Variants in RORA observed in about 807,000 individuals in gnomAD.
The protein encoded by RORA is RAR related orphan receptor A, also known as nuclear receptor ROR-alpha.
In RORA, 7 loss-of-function variants were observed where a neutral mutation model predicts 69.5. The observed-to-expected ratio is 0.10, with a 90% CI of 0.06 to 0.19. The LOEUF (loss-of-function observed/expected upper bound fraction) is 0.19. Ranked by LOEUF, RORA falls within the 10% of genes least tolerant of loss-of-function variation. The pLI is 1.00. For missense variants in RORA, 457 were observed against 663.0 expected, an observed-to-expected ratio of 0.69 and a Z score of 3.41; for synonymous variants, 261 against 240.8, an observed-to-expected ratio of 1.08 and a Z score of -0.78.
intron 1 of RORA, among the ~76,000 whole-genome samples, chr15:60,866,935 G>T (rs781740609): frequency 2.3e-4 from 35 of 152,096 alleles, no homozygotes; most frequent in Non-Finnish European, 3.1e-4. Context: ...GTGCGATCTT[G>T]GCTCACTGTA....
intron 2 of RORA, among the ~76,000 whole-genome samples, chr15:60,566,886 G>A (rs2067727388): frequency 1.3e-5 from 2 of 152,124 alleles, no homozygotes; most frequent in Admixed American, 1.3e-4. Context: ...TGGAAAGTGG[G>A]TAGCCAGGTT....
chr15:60,504,012 A>C (rs2065414087), intron 6 of RORA, among the ~76,000 whole-genome samples: 1 of 152,012 alleles, frequency 6.6e-6, no homozygotes, highest in South Asian at 2.1e-4. Context: ...CATGTTGGCC[A>C]GGCTGGTCTT....
chr15:61,146,621 C>T (rs1006525751), intron 1 of RORA, among the ~76,000 whole-genome samples: 1 of 152,138 alleles, frequency 6.6e-6, no homozygotes, highest in East Asian at 1.9e-4. Context: ...ATTTAATAAA[C>T]ATGTTAATGA....
At chr15:60,883,184 A>G (rs62006804) in intron 1 of RORA, among the ~76,000 whole-genome samples, 2,914 of 135,186 alleles carry the variant, frequency 0.022, 65 homozygotes, top group East Asian at 0.11. Context: ...GAGAGAGAGA[A>G]AGAAAGAAAA....
intron 1 of RORA, among the ~76,000 whole-genome samples, chr15:60,823,791 G>A (rs2072924043): frequency 8.1e-6 from 1 of 124,170 alleles, no homozygotes; most frequent in African/African-American, 2.9e-5. Flanking sequence ...AACAGCAGGT[G>A]CTGATAAGAA....
chr15:60,665,794 C>A (rs1277233692), intron 2 of RORA, among the ~76,000 whole-genome samples: 1 of 152,114 alleles, frequency 6.6e-6, no homozygotes, highest in Non-Finnish European at 1.5e-5. Flanking sequence ...CGTGCCTCAG[C>A]CTCCCTAGTA....
chr15:60,898,474 G>A (rs534729893), intron 1 of RORA, among the ~76,000 whole-genome samples: 14 of 150,942 alleles, frequency 9.3e-5, no homozygotes, highest in Non-Finnish European at 1.5e-4. Context: ...GAATAGCCTA[G>A]GCAACACAGT....
intron 1 of RORA, among the ~76,000 whole-genome samples, chr15:61,168,217 C>CGTGT (rs1392851409): frequency 8.8e-5 from 13 of 147,090 alleles, no homozygotes; most frequent in Admixed American, 4.0e-4. Context: ...TGCGTGCGTG[C>CGTGT]GTGTGTGTGT....
chr15:60,570,039 T>A (rs2067833666), intron 2 of RORA, among the ~76,000 whole-genome samples: 1 of 151,876 alleles, frequency 6.6e-6, no homozygotes, highest in South Asian at 2.1e-4. Flanking sequence ...AGTAAGACAA[T>A]GTGAGCGTGA....
intron 2 of RORA, among the ~76,000 whole-genome samples, chr15:60,585,283 TTATC>T (rs1422163484): frequency 2.0e-5 from 3 of 152,224 alleles, no homozygotes; most frequent in Admixed American, 6.5e-5. Flanking sequence ...TCCACTTGTA[TTATC>T]TATTTATCCT....
intron 1 of RORA, among the ~76,000 whole-genome samples, chr15:60,890,627 T>C (rs1435850261): frequency 6.6e-6 from 1 of 152,232 alleles, no homozygotes. Context: ...AGGGCTGTTC[T>C]TTTTGAGCCA....
In RORA at chr15:61,229,151, GCCGCGT is replaced by G; in HGVS notation, c.62_67del (p.Asp21_Ala22del). On this transcript the variant is annotated inframe_deletion, in exon 1 of 11. Coordinates refer to ENST00000335670, the MANE Select transcript of RORA (RefSeq NM_134261.3). ...CAGCGGGGTCTCCCTGGAGCCGGCG[GCCGCGT>G]CCGCGCCGCTGCTGCCTGGCTCGCT... 6.5e-7 allele frequency: 1 copy of G among 1,545,510 alleles called. No homozygotes were observed. Among genetic ancestry groups the G allele is most frequent in the Non-Finnish European group, 8.7e-7 (1 of 1,146,156 alleles).
At chr15:61,113,526 G>C (rs2079025119) in intron 1 of RORA, among the ~76,000 whole-genome samples, 2 of 152,194 alleles carry the variant, frequency 1.3e-5, no homozygotes, top group Admixed American at 6.5e-5. Context: ...AGGTTCTCTT[G>C]AGGAAAACAA....
At chr15:60,614,913 C>A (rs201723782) in intron 2 of RORA, 8 of 1,613,462 alleles carry the variant, frequency 5.0e-6, no homozygotes, top group Non-Finnish European at 6.8e-6. Context: ...ATGCAGGGAG[C>A]AGAAAAGAGA....
intron 1 of RORA, among the ~76,000 whole-genome samples, chr15:61,060,253 C>T (rs964373661): frequency 1.2e-4 from 18 of 152,186 alleles, no homozygotes; most frequent in African/African-American, 4.3e-4. Flanking sequence ...GCCTAGTATC[C>T]TGCTGGGCCA....
intron 1 of RORA, among the ~76,000 whole-genome samples, chr15:60,757,878 C>T (rs1041409107): frequency 2.0e-5 from 3 of 152,086 alleles, no homozygotes; most frequent in African/African-American, 7.2e-5. Flanking sequence ...TTATCACAGC[C>T]ACCCGTCACC....
At chr15:60,862,465 C>T (rs1363856508) in intron 1 of RORA, among the ~76,000 whole-genome samples, 1 of 152,188 alleles carries the variant, frequency 6.6e-6, no homozygotes, top group Non-Finnish European at 1.5e-5. Flanking sequence ...TCAGACCAGA[C>T]TATCTCAGAC....
intron 8 of RORA, among the ~76,000 whole-genome samples, chr15:60,502,125 CGT>C (rs1295823571): frequency 2.6e-5 from 4 of 152,100 alleles, no homozygotes; most frequent in African/African-American, 4.8e-5. Context: ...GGACTACAGG[CGT>C]GTGCCACCAT....
rs1253795368 is a variant in RORA, at chr15:60,613,731, T to C, written c.196+64926A>G. Among the ~76,000 whole-genome samples the C allele has an allele frequency of 7.6e-4, 112 of 148,148 alleles. 1 individual carries two copies. Among genetic ancestry groups the C allele is most frequent in the African/African-American group, 2.6e-3 (105 of 40,166 alleles). ...GTGTGTGTGTGTGTGTGTGTGTGTG[T>C]GTGTGTGTGTTAGGATTACAGCCAC... On this transcript the variant is annotated intron_variant, in intron 2 of 10. Coordinates refer to ENST00000335670, the MANE Select transcript of RORA (RefSeq NM_134261.3).
Sources: allele counts gnomAD v4.1 joint callset (sites outside exome capture counted in the v4.1 genomes callset), GRCh38; gene constraint gnomAD v4.1.1; transcripts MANE v1.5; gene names NCBI Gene and HGNC (gene_info 2026-07-23, HGNC 2026-07-21).